Variants in CABCOCO1 observed in about 807,000 individuals in gnomAD.
The protein encoded by CABCOCO1 is ciliary-associated calcium-binding coiled-coil protein 1.
In CABCOCO1, 28 loss-of-function variants were observed where a neutral mutation model predicts 35.7. The observed-to-expected ratio is 0.78, with a 90% CI of 0.58 to 1.07. CABCOCO1 has a LOEUF of 1.07. Among genes scored for constraint, CABCOCO1 ranks in the 50% least tolerant of loss-of-function variants. CABCOCO1 has a pLI of 0.00. For missense variants in CABCOCO1, 326 were observed against 309.2 expected (o/e 1.05, Z -0.41); for synonymous variants, 95 against 100.1 (o/e 0.95, Z 0.30).
intron 5 of CABCOCO1, among the ~76,000 whole-genome samples, chr10:61,752,959 C>T (rs1168567807): frequency 1.3e-5 from 2 of 152,126 alleles, no homozygotes; most frequent in Non-Finnish European, 2.9e-5. Context: ...GTAGTTTCAA[C>T]TGTCAACAGG....
intron 5 of CABCOCO1, among the ~76,000 whole-genome samples, chr10:61,705,886 G>A (rs1840581137): frequency 6.6e-6 from 1 of 152,146 alleles, no homozygotes; most frequent in Non-Finnish European, 1.5e-5. Flanking sequence ...ATGTCCACAA[G>A]CTTAACCACT....
At chr10:61,701,645 T>C in intron 5 of CABCOCO1, 1 of 985,188 alleles carries the variant, frequency 1.0e-6, no homozygotes, top group South Asian at 4.7e-5. Context: ...AATCCATTAA[T>C]AATCCACACT....
chr10:61,707,257 T>G (rs1564542608), intron 5 of CABCOCO1, among the ~76,000 whole-genome samples: 1 of 152,086 alleles, frequency 6.6e-6, no homozygotes, highest in Non-Finnish European at 1.5e-5. Flanking sequence ...GGCGAATGTG[T>G]TGATGTGAGT....
chr10:61,677,719 C>T (rs1193295179), intron 2 of CABCOCO1, among the ~76,000 whole-genome samples: 3 of 151,884 alleles, frequency 2.0e-5, no homozygotes, highest in African/African-American at 7.3e-5. Flanking sequence ...CAACAGGCCC[C>T]AGTGTGTGAT....
chr10:61,676,955 T>A (rs1159635553), intron 2 of CABCOCO1, among the ~76,000 whole-genome samples: 3 of 151,864 alleles, frequency 2.0e-5, no homozygotes, highest in Admixed American at 6.6e-5. Context: ...TCCCAGCTAT[T>A]CAGGAGGCTG....
chr10:61,745,339 G>C (rs1841632997), intron 5 of CABCOCO1, among the ~76,000 whole-genome samples: 1 of 151,922 alleles, frequency 6.6e-6, no homozygotes, highest in African/African-American at 2.4e-5. Flanking sequence ...TATTCCTCTG[G>C]CTTTGGGTAA....
At chr10:61,719,367 T>C (rs1313134944) in intron 5 of CABCOCO1, among the ~76,000 whole-genome samples, 1 of 152,114 alleles carries the variant, frequency 6.6e-6, no homozygotes, top group African/African-American at 2.4e-5. Context: ...TTAGACAATA[T>C]TGAGAGTACA....
intron 5 of CABCOCO1, among the ~76,000 whole-genome samples, chr10:61,755,760 A>G (rs1358314832): frequency 6.6e-6 from 1 of 152,078 alleles, no homozygotes; most frequent in Non-Finnish European, 1.5e-5. Flanking sequence ...CCAAACAAGC[A>G]TTACTAAAGT....
intron 7 of CABCOCO1, 77 bp from the exon 8 acceptor site, chr10:61,765,862 T>C: frequency 7.5e-7 from 1 of 1,326,340 alleles, no homozygotes; most frequent in Non-Finnish European, 1.1e-6. Context: ...GGCACTATAG[T>C]ATGTCAAAAC....
At chr10:61,676,816 C>T (rs964640224) in intron 2 of CABCOCO1, among the ~76,000 whole-genome samples, 3 of 151,862 alleles carry the variant, frequency 2.0e-5, no homozygotes, top group African/African-American at 7.3e-5. Context: ...AAACCCAGCA[C>T]TTTGGGAGGC....
intron 5 of CABCOCO1, among the ~76,000 whole-genome samples, chr10:61,741,579 A>G (rs1371872121): frequency 6.6e-6 from 1 of 152,214 alleles, no homozygotes. Context: ...GTTACCAATA[A>G]TAAGTTGTGA....
chr10:61,684,821 TG>T (rs1169344464), intron 3 of CABCOCO1: 1 of 152,238 alleles, frequency 6.6e-6, no homozygotes, highest in Non-Finnish European at 1.5e-5. Flanking sequence ...GTGGATAGTG[TG>T]TGTGTGGGTT....
Position 61,766,109 on chromosome 10 carries a change from A to G in CABCOCO1, c.*96A>G. The G allele has an allele frequency of 2.7e-6, 3 of 1,123,380 alleles. No homozygotes were observed. The highest frequency in any genetic ancestry group is 3.8e-6 in the Non-Finnish European group (3 of 788,838). 69.6% of individuals were successfully genotyped at this position (1,123,380 alleles called of 1,614,324 possible). On this transcript the variant is annotated 3_prime_UTR_variant, in exon 8 of 8. Coordinates refer to ENST00000648843, the MANE Select transcript of CABCOCO1 (RefSeq NM_001366906.2). ...CTGGAGCGTCGTGTCTCCATCACTT[A>G]GTTGTGAAAGGAAAACCAAGCCCCA...
intron 5 of CABCOCO1, among the ~76,000 whole-genome samples, chr10:61,738,649 G>T (rs371596228): frequency 2.0e-4 from 30 of 152,140 alleles, no homozygotes; most frequent in African/African-American, 7.0e-4. Context: ...AAAATATGTT[G>T]TCTTATAATT....
intron 5 of CABCOCO1, among the ~76,000 whole-genome samples, chr10:61,704,689 G>A (rs2132020672): frequency 6.6e-6 from 1 of 152,258 alleles, no homozygotes; most frequent in African/African-American, 2.4e-5. Flanking sequence ...TAAGCGCCCA[G>A]GCTTGGGGTA....
chr10:61,751,067 G>A (rs927189681), intron 5 of CABCOCO1, among the ~76,000 whole-genome samples: 8 of 152,088 alleles, frequency 5.3e-5, no homozygotes, highest in Admixed American at 4.6e-4. Context: ...GATTGAGCTG[G>A]GTGGAAAGTC....
At chr10:61,704,315 C>A (rs1840542759) in intron 5 of CABCOCO1, among the ~76,000 whole-genome samples, 1 of 152,300 alleles carries the variant, frequency 6.6e-6, no homozygotes, top group Admixed American at 6.5e-5. Context: ...TGCCTTTCTT[C>A]TAGTGAATAC....
At chr10:61,714,186 G>A (rs1269188931) in intron 5 of CABCOCO1, among the ~76,000 whole-genome samples, 2 of 152,122 alleles carry the variant, frequency 1.3e-5, no homozygotes, top group East Asian at 3.9e-4. Context: ...CTCAATTTCA[G>A]AGTCTATTAT....
chr10:61,751,741 A>T (rs1841793065), intron 5 of CABCOCO1, among the ~76,000 whole-genome samples: 2 of 152,222 alleles, frequency 1.3e-5, no homozygotes, highest in Admixed American at 1.3e-4. Context: ...AAGATACAAC[A>T]TCTGTAGCTG....
Sources: gnomAD v4.1 joint callset for allele counts (sites outside exome capture counted in the v4.1 genomes callset) on GRCh38, gnomAD v4.1.1 for gene constraint, MANE v1.5 for transcripts, NCBI Gene and HGNC (gene_info 2026-07-23, HGNC 2026-07-21) for gene names.